Variants in SLC25A13 observed in about 807,000 individuals in gnomAD.
The protein encoded by SLC25A13 is solute carrier family 25 member 13.
In SLC25A13, 70 loss-of-function variants were observed where a neutral mutation model predicts 85.5. The ratio of observed to expected loss-of-function variants is 0.82; its 90% confidence interval spans 0.68 to 1.00. The LOEUF (loss-of-function observed/expected upper bound fraction) is 1.00. Among genes scored for constraint, SLC25A13 ranks in the 50% least tolerant of loss-of-function variants. The probability of loss-of-function intolerance (pLI) is 0.00; values close to 1 mark genes in which losing one functional copy is unlikely to be tolerated. For missense variants in SLC25A13, 765 were observed against 819.8 expected, an observed-to-expected ratio of 0.93 and a Z score of 0.82; for synonymous variants, 259 against 288.7, an observed-to-expected ratio of 0.90 and a Z score of 1.04.
chr7:96,311,767 C>A (rs967726237), intron 1 of SLC25A13, among the ~76,000 whole-genome samples: 1 of 151,846 alleles, frequency 6.6e-6, no homozygotes, highest in Non-Finnish European at 1.5e-5. Flanking sequence ...ATCTGCCCAC[C>A]AATACAGAGA....
At position 96,193,040 on chromosome 7, in the gene SLC25A13, T is replaced by C; in HGVS notation, c.612A>G (p.Val204=). 3 of 1,614,088 alleles carry C rather than the reference T, an allele frequency of 1.9e-6. No individual in the cohort carries two copies. The highest frequency in any genetic ancestry group is 2.5e-6 in the Non-Finnish European group (3 of 1,179,994). ...VLTPFVEECL[V]AAAGGTTSHQ... ...ATTAGGGCAAGTTACAACTTACAGC[T>C]ACTAGACATTCTTCTACAAAAGGAG... is the stretch of plus-strand genomic sequence containing the variant. Residue 204 remains valine, a synonymous_variant, in exon 6 of 18, where the codon GTA becomes GTG. Coordinates refer to ENST00000265631, the MANE Select transcript of SLC25A13 (RefSeq NM_014251.3).
At chr7:96,315,308 A>G (rs1800089780) in intron 1 of SLC25A13, among the ~76,000 whole-genome samples, 3 of 152,326 alleles carry the variant, frequency 2.0e-5, no homozygotes, top group African/African-American at 4.8e-5. Context: ...GTGCACCAAA[A>G]TAACAGTGGT....
At chr7:96,288,580 G>A (rs149070069) in intron 2 of SLC25A13, among the ~76,000 whole-genome samples, 4,147 of 152,262 alleles carry the variant, frequency 0.027, 85 homozygotes, top group Middle Eastern at 0.071. Flanking sequence ...CTAATACTGC[G>A]CTTTTCCAAC....
intron 5 of SLC25A13, among the ~76,000 whole-genome samples, chr7:96,201,671 A>C (rs1056507783): frequency 6.6e-6 from 1 of 152,246 alleles, no homozygotes; most frequent in Admixed American, 6.5e-5. Context: ...TTACGGCTTC[A>C]GCCAGTTCTA....
At chr7:96,219,611 C>T in intron 4 of SLC25A13, 1 of 509,610 alleles carries the variant, frequency 2.0e-6, no homozygotes. Flanking sequence ...ACTACATTCC[C>T]TTGGAGAGCT....
Position 96,277,190 on chromosome 7 carries a change from A to G in SLC25A13, c.212+6T>C. ...AATTAAATAAAATAATTAAAAATAA[A>G]CATACCCATCTTTGGTCTGATCCAC... On this transcript the variant is annotated splice_donor_region_variant and intron_variant, in intron 3 of 17. Transcript: ENST00000265631. 6.4e-7 allele frequency: 1 copy of G among 1,557,728 alleles called. No homozygotes were observed. The highest frequency in any genetic ancestry group is 1.2e-5 in the South Asian group (1 of 83,906).
chr7:96,168,128 A>AAAAAAAAAAAAAAAAAAAAAAC, intron 13 of SLC25A13, among the ~76,000 whole-genome samples: 1 of 145,882 alleles, frequency 6.9e-6, no homozygotes. Context: ...AAAAAAAAAA[A>AAAAAAAAAAAAAAAAAAAAAAC]AGCACGTGTG....
chr7:96,190,027 A>G (rs1043989205), intron 7 of SLC25A13, among the ~76,000 whole-genome samples: 2 of 151,672 alleles, frequency 1.3e-5, no homozygotes, highest in Admixed American at 1.3e-4. Flanking sequence ...ATTATTAATT[A>G]TATTAATTTA....
chr7:96,289,961 G>A (rs1799050345), intron 2 of SLC25A13, among the ~76,000 whole-genome samples: 1 of 152,146 alleles, frequency 6.6e-6, no homozygotes, highest in Non-Finnish European at 1.5e-5. Flanking sequence ...ATAACTGTCA[G>A]ATTCACCAAA....
At chr7:96,320,607 GAA>G (rs1340574327) in intron 1 of SLC25A13, among the ~76,000 whole-genome samples, 2 of 152,160 alleles carry the variant, frequency 1.3e-5, no homozygotes, top group African/African-American at 2.4e-5. Flanking sequence ...AGAAACTGCT[GAA>G]AAGTTATAGA....
chr7:96,168,884 G>A (rs1318723624), intron 13 of SLC25A13, among the ~76,000 whole-genome samples: 1 of 152,172 alleles, frequency 6.6e-6, no homozygotes, highest in African/African-American at 2.4e-5. Context: ...GGAAACTACA[G>A]AGTTGTTTTA....
chr7:96,228,861 T>G (rs1481607553), intron 4 of SLC25A13, among the ~76,000 whole-genome samples: 1 of 152,180 alleles, frequency 6.6e-6, no homozygotes, highest in Non-Finnish European at 1.5e-5. Flanking sequence ...TGCCAGCAGC[T>G]GTGGAGGGTG....
rs1421374232 is a variant in SLC25A13, at chr7:96,121,701, T to C, written c.1795A>G (p.Thr599Ala). ...AACCATCGCTGTAGCAATTCGTAAG[T>C]CAGCAAAGTTACACCAAACTGGGGT... ...SSPQFGVTLLTYELLQRWFYI... is the reference protein window; with the variant it reads ...SSPQFGVTLLAYELLQRWFYI... The change falls in exon 17 of 18, where the codon ACT (threonine) becomes GCT (alanine). Residue 599 changes from threonine to alanine, a missense_variant. Physicochemically the swap from Thr to Ala is moderately conservative, Grantham distance 58. Transcript: ENST00000265631. 3 of 1,614,064 alleles carry C rather than the reference T, an allele frequency of 1.9e-6. No homozygotes were observed. Among genetic ancestry groups the C allele is most frequent in the African/African-American group, 1.3e-5 (1 of 74,906 alleles).
intron 13 of SLC25A13, among the ~76,000 whole-genome samples, chr7:96,150,604 G>T (rs1450461181): frequency 6.6e-6 from 1 of 152,032 alleles, no homozygotes; most frequent in Non-Finnish European, 1.5e-5. Context: ...GGTCTTTAGG[G>T]TGGGACGTAA....
intron 13 of SLC25A13, among the ~76,000 whole-genome samples, chr7:96,166,636 A>G (rs1793757628): frequency 6.6e-6 from 1 of 152,230 alleles, no homozygotes; most frequent in South Asian, 2.1e-4. Flanking sequence ...TGTTGAATGA[A>G]GCACTGCAGC....
rs1793710107 is a variant in SLC25A13, at chr7:96,165,639, C to A, written c.1311+4406G>T. Among the ~76,000 whole-genome samples the A allele has an allele frequency of 2.0e-5, 3 of 152,218 alleles. No homozygotes were observed. The South Asian group carries it at 6.2e-4, about 32-fold the overall frequency. On this transcript the variant is annotated intron_variant, in intron 13 of 17. Coordinates refer to ENST00000265631, the MANE Select transcript of SLC25A13 (RefSeq NM_014251.3). ...GAGCACTGGGTTAGGATGAGGCATT[C>A]AAAAACAAACATTTATACTGCTTAG... is the stretch of plus-strand genomic sequence containing the variant.
At chr7:96,159,371 G>C (rs1793410934) in intron 13 of SLC25A13, among the ~76,000 whole-genome samples, 1 of 152,148 alleles carries the variant, frequency 6.6e-6, no homozygotes, top group Non-Finnish European at 1.5e-5. Context: ...AGGTAATTAA[G>C]AAGAAATGAA....
chr7:96,320,770 G>A (rs547390408), intron 1 of SLC25A13, among the ~76,000 whole-genome samples: 1 of 152,252 alleles, frequency 6.6e-6, no homozygotes, highest in African/African-American at 2.4e-5. Flanking sequence ...AGAAGCCTAC[G>A]GATTTGGGGA....
At chr7:96,190,596 T>C (rs1233523962) in intron 7 of SLC25A13, among the ~76,000 whole-genome samples, 1 of 151,098 alleles carries the variant, frequency 6.6e-6, no homozygotes, top group Non-Finnish European at 1.5e-5. Flanking sequence ...AAAGGGTGTC[T>C]TCAGTTTATT....
Sources: gnomAD v4.1 joint callset for allele counts (sites outside exome capture counted in the v4.1 genomes callset) on GRCh38, gnomAD v4.1.1 for gene constraint, MANE v1.5 for transcripts, NCBI Gene and HGNC (gene_info 2026-07-23, HGNC 2026-07-21) for gene names.